JMY: variants seen among roughly 807,000 people sequenced by gnomAD.
The protein encoded by JMY is junction mediating and regulatory protein, p53 cofactor.
Under a neutral mutation model 103.3 loss-of-function variants are expected in JMY, and 46 were observed. The observed-to-expected ratio is 0.45, with a 90% CI of 0.35 to 0.57. JMY has a LOEUF of 0.57. Ranked by LOEUF, JMY falls within the 20% of genes least tolerant of loss-of-function variation. The pLI is 0.00. For synonymous variants in JMY, 526 were observed against 489.3 expected (o/e 1.07, Z -0.99); for missense variants, 1,238 against 1,255.2 (o/e 0.99, Z 0.21).
chr5:79,249,008 C>T (rs568893599), intron 1 of JMY, among the ~76,000 whole-genome samples: 1 of 152,270 alleles, frequency 6.6e-6, no homozygotes, highest in Admixed American at 6.5e-5. Context: ...ACTTATCCTC[C>T]CGCCTTGCCC....
intron 4 of JMY, among the ~76,000 whole-genome samples, chr5:79,291,582 G>A (rs1465070666): frequency 2.0e-5 from 3 of 152,180 alleles, no homozygotes; most frequent in East Asian, 1.9e-4. Context: ...CTGTAAAAAC[G>A]TAAAGCTTTC....
chr5:79,294,541 T>C (rs1179857210), intron 4 of JMY, among the ~76,000 whole-genome samples: 1 of 152,140 alleles, frequency 6.6e-6, no homozygotes, highest in Non-Finnish European at 1.5e-5. Context: ...AGATTCCAAT[T>C]CGTGTGGCTG....
chr5:79,296,564 C>T (rs1407565542), intron 4 of JMY, among the ~76,000 whole-genome samples: 1 of 152,244 alleles, frequency 6.6e-6, no homozygotes, highest in Non-Finnish European at 1.5e-5. Context: ...TCACCACAAG[C>T]TCAAACTCCT....
At chr5:79,286,147 C>T (rs1474649062) in intron 2 of JMY, among the ~76,000 whole-genome samples, 1 of 152,092 alleles carries the variant, frequency 6.6e-6, no homozygotes, top group African/African-American at 2.4e-5. Context: ...AAACAAGTTG[C>T]TTACGAGTTG....
At chr5:79,270,625 A>ATATTTAAAATG (rs1745749711) in intron 1 of JMY, among the ~76,000 whole-genome samples, 1 of 136,518 alleles carries the variant, frequency 7.3e-6, no homozygotes, top group African/African-American at 2.9e-5. Flanking sequence ...TTTATATAAA[A>ATATTTAAAATG]TATATTTACA....
intron 3 of JMY, 75 bp from the exon 4 acceptor site, chr5:79,291,055 C>A: frequency 1.0e-6 from 1 of 998,954 alleles, no homozygotes; most frequent in Non-Finnish European, 1.4e-6. Flanking sequence ...TTTGTGTGGT[C>A]AGTGAAATCT....
intron 1 of JMY, among the ~76,000 whole-genome samples, chr5:79,250,514 A>G: frequency 6.6e-6 from 1 of 152,182 alleles, no homozygotes; most frequent in Non-Finnish European, 1.5e-5. Context: ...CAAATATTCC[A>G]GTTGAAATAA....
intron 1 of JMY, among the ~76,000 whole-genome samples, chr5:79,273,112 A>G (rs1312858727): frequency 6.6e-6 from 1 of 152,188 alleles, no homozygotes; most frequent in Admixed American, 6.5e-5. Context: ...AAAATAGTCT[A>G]TTTTCCTACT....
chr5:79,275,455 C>A (rs1044849532), intron 1 of JMY, among the ~76,000 whole-genome samples: 3 of 152,208 alleles, frequency 2.0e-5, no homozygotes, highest in Admixed American at 6.5e-5. Context: ...GCCACCGTGC[C>A]TGGCAAGGGT....
chr5:79,281,353 ATTTTTTTT>A (rs35881012), intron 2 of JMY, among the ~76,000 whole-genome samples: 28 of 116,746 alleles, frequency 2.4e-4, no homozygotes, highest in African/African-American at 7.9e-4. Context: ...CAAGAAATTA[ATTTTTTTT>A]TTTTTTTTTT....
chr5:79,267,869 A>T (rs1490384930), intron 1 of JMY, among the ~76,000 whole-genome samples: 1 of 152,154 alleles, frequency 6.6e-6, no homozygotes, highest in Non-Finnish European at 1.5e-5. Flanking sequence ...TTGTGTAGAT[A>T]AAAGTTTCCA....
intron 4 of JMY, among the ~76,000 whole-genome samples, chr5:79,292,379 C>T (rs1235824794): frequency 1.3e-5 from 2 of 152,044 alleles, no homozygotes; most frequent in Non-Finnish European, 2.9e-5. Flanking sequence ...GGCTGGAGTG[C>T]GATCACAACT....
chr5:79,236,641 CG>C lies in JMY; in HGVS notation c.-8del, dbSNP rs1744510929. ...GCGGCCCTTCCCCGCGGCGAGAAGCCGGAGCCACCATGTCGTTCGCGCTGGA... is the reference window on the plus strand; with the variant it reads ...GCGGCCCTTCCCCGCGGCGAGAAGCCGAGCCACCATGTCGTTCGCGCTGGA... On this transcript the variant is annotated 5_prime_UTR_variant, in exon 1 of 11. Coordinates refer to ENST00000396137, the MANE Select transcript of JMY (RefSeq NM_152405.5). 7.2e-7 allele frequency: 1 copy of C among 1,386,938 alleles called. No individual in the cohort carries two copies. Among genetic ancestry groups the C allele is most frequent in the African/African-American group, 1.5e-5 (1 of 67,498 alleles). 85.9% of individuals were successfully genotyped at this position (1,386,938 alleles called of 1,614,324 possible).
At chr5:79,261,202 G>A (rs1292308227) in intron 1 of JMY, among the ~76,000 whole-genome samples, 1 of 152,056 alleles carries the variant, frequency 6.6e-6, no homozygotes, top group Admixed American at 6.6e-5. Flanking sequence ...CAAATTCATA[G>A]TGAGCTCCAA....
chr5:79,243,168 T>C (rs914571459), intron 1 of JMY, among the ~76,000 whole-genome samples: 4 of 151,094 alleles, frequency 2.6e-5, no homozygotes, highest in Non-Finnish European at 5.9e-5. Context: ...GTTATTTAAC[T>C]GAAGGGGCAA....
At chr5:79,280,007 C>T (rs1374938242) in intron 2 of JMY, among the ~76,000 whole-genome samples, 1 of 152,152 alleles carries the variant, frequency 6.6e-6, no homozygotes, top group Non-Finnish European at 1.5e-5. Flanking sequence ...CCACGCCCAG[C>T]TGTTTTTTGT....
chr5:79,288,681 T>C (rs1459677712), intron 2 of JMY, among the ~76,000 whole-genome samples: 1 of 151,812 alleles, frequency 6.6e-6, no homozygotes, highest in Non-Finnish European at 1.5e-5. Flanking sequence ...TTTTTTTTTG[T>C]TTTTTTGGTA....
At chr5:79,257,012 CT>C (rs5868982) in intron 1 of JMY, among the ~76,000 whole-genome samples, 49,073 of 147,884 alleles carry the variant, frequency 0.33, 8,821 homozygotes, top group South Asian at 0.53. Flanking sequence ...TCACCACTGC[CT>C]TTTTTTTTTG....
intron 2 of JMY, among the ~76,000 whole-genome samples, chr5:79,282,518 G>T (rs1017234729): frequency 6.6e-6 from 1 of 152,120 alleles, no homozygotes; most frequent in African/African-American, 2.4e-5. Flanking sequence ...CACAAAATGG[G>T]GTGATCAGTG....
Sources: gnomAD v4.1 joint callset for allele counts (sites outside exome capture counted in the v4.1 genomes callset) on GRCh38, gnomAD v4.1.1 for gene constraint, MANE v1.5 for transcripts, NCBI Gene and HGNC (gene_info 2026-07-23, HGNC 2026-07-21) for gene names.